Variants in MGMT observed in about 807,000 individuals in gnomAD.
The protein encoded by MGMT is O-6-methylguanine-DNA methyltransferase.
MGMT carries 14 observed loss-of-function variants against 15.9 expected under a neutral mutation model. That is an observed-to-expected ratio of 0.88 (90% confidence interval 0.58 to 1.37). The LOEUF is 1.37. Among genes scored for constraint, MGMT ranks in the 40% most tolerant of loss-of-function variants. The pLI is 0.00. For missense variants in MGMT, 282 were observed against 268.1 expected (o/e 1.05, Z -0.36); for synonymous variants, 130 against 118.2 (o/e 1.10, Z -0.65).
intron 2 of MGMT, among the ~76,000 whole-genome samples, chr10:129,646,742 A>ATTTT: frequency 1.2e-5 from 1 of 83,248 alleles, no homozygotes; most frequent in Non-Finnish European, 2.7e-5. Context: ...ATATATATAT[A>ATTTT]TATATATATA....
At chr10:129,732,831 G>C (rs1403795271) in intron 3 of MGMT, among the ~76,000 whole-genome samples, 2 of 145,160 alleles carry the variant, frequency 1.4e-5, no homozygotes, top group Non-Finnish European at 3.0e-5. Flanking sequence ...TCTTGCGATA[G>C]TTTACTGAGA....
rs1450762352 is a variant in MGMT, at chr10:129,770,151, G to A, written c.*3154G>A. Among the ~76,000 whole-genome samples the A allele has an allele frequency of 6.6e-6, 1 of 152,168 alleles. No homozygotes were observed. The highest frequency in any genetic ancestry group is 2.4e-5 in the African/African-American group (1 of 41,426). ...CTTCTCCAGAATCCCGTTTGGAGGG[G>A]CCAAGCAAGTCCAATATAGATAGGT... On this transcript the variant is annotated 3_prime_UTR_variant, in exon 5 of 5. Coordinates refer to ENST00000651593, the MANE Select transcript of MGMT (RefSeq NM_002412.5).
chr10:129,713,322 C>T (rs964618888), intron 3 of MGMT, among the ~76,000 whole-genome samples: 8 of 152,168 alleles, frequency 5.3e-5, no homozygotes. Context: ...AACAACACTG[C>T]ACTTAAGTGG....
At chr10:129,694,546 A>G (rs2133130587) in intron 2 of MGMT, among the ~76,000 whole-genome samples, 2 of 152,242 alleles carry the variant, frequency 1.3e-5, no homozygotes, top group East Asian at 3.9e-4. Flanking sequence ...TCCTAAAGGG[A>G]ATCTTAATTG....
At chr10:129,575,981 C>A (rs1261597062) in intron 2 of MGMT, among the ~76,000 whole-genome samples, 2 of 152,092 alleles carry the variant, frequency 1.3e-5, no homozygotes, top group Admixed American at 1.3e-4. Context: ...CAAGACTAAA[C>A]CAGGAAGAAG....
chr10:129,647,093 T>C (rs1318348318), intron 2 of MGMT, among the ~76,000 whole-genome samples: 1 of 152,060 alleles, frequency 6.6e-6, no homozygotes. Flanking sequence ...TCTGCGAGGC[T>C]CCTCAGCCCC....
intron 2 of MGMT, among the ~76,000 whole-genome samples, chr10:129,665,633 A>G (rs1221786682): frequency 1.3e-5 from 2 of 152,112 alleles, no homozygotes. Context: ...GAGGTTTCCT[A>G]TAAAGGACCA....
chr10:129,688,071 C>T (rs551944985), intron 2 of MGMT, among the ~76,000 whole-genome samples: 36 of 152,272 alleles, frequency 2.4e-4, no homozygotes, highest in African/African-American at 8.7e-4. Context: ...TGTATATGTG[C>T]CACATTTTCT....
At chr10:129,468,651 G>A (rs1018376622) in intron 1 of MGMT, among the ~76,000 whole-genome samples, 14 of 152,016 alleles carry the variant, frequency 9.2e-5, no homozygotes, top group Admixed American at 6.6e-4. Flanking sequence ...TTGGGAGGCC[G>A]AGGTGGGTGG....
At chr10:129,577,470 A>G (rs891355897) in intron 2 of MGMT, among the ~76,000 whole-genome samples, 1 of 152,230 alleles carries the variant, frequency 6.6e-6, no homozygotes, top group Admixed American at 6.5e-5. Flanking sequence ...TGCTGGGAAA[A>G]CTGGCTAGCC....
At chr10:129,657,701 A>ACG (rs1554874789) in intron 2 of MGMT, among the ~76,000 whole-genome samples, 102 of 131,218 alleles carry the variant, frequency 7.8e-4, no homozygotes, top group South Asian at 6.4e-3. Context: ...ACACACACAC[A>ACG]CACACGCACA....
At chr10:129,730,029 T>C (rs1013328775) in intron 3 of MGMT, among the ~76,000 whole-genome samples, 1 of 152,192 alleles carries the variant, frequency 6.6e-6, no homozygotes, top group Admixed American at 6.5e-5. Context: ...TTTTTAGCCT[T>C]GTAGAAGCAG....
intron 1 of MGMT, among the ~76,000 whole-genome samples, chr10:129,530,824 C>A (rs1410911947): frequency 6.6e-6 from 1 of 152,242 alleles, no homozygotes; most frequent in Non-Finnish European, 1.5e-5. Context: ...TGGCGGGTGC[C>A]TTCACCCTGG....
chr10:129,722,812 C>T (rs965570792), intron 3 of MGMT, among the ~76,000 whole-genome samples: 4 of 152,134 alleles, frequency 2.6e-5, no homozygotes, highest in African/African-American at 9.6e-5. Context: ...TCAAGACCAG[C>T]CTTGCAAACA....
chr10:129,662,031 T>C (rs1157446107), intron 2 of MGMT, among the ~76,000 whole-genome samples: 1 of 152,182 alleles, frequency 6.6e-6, no homozygotes, highest in Non-Finnish European at 1.5e-5. Flanking sequence ...CTGGGCCAGC[T>C]CTTCCCTGAT....
intron 2 of MGMT, among the ~76,000 whole-genome samples, chr10:129,661,310 GA>G (rs1470118164): frequency 6.6e-6 from 1 of 152,026 alleles, no homozygotes; most frequent in East Asian, 1.9e-4. Context: ...TCTAGGAGAG[GA>G]ATTGTTTGGC....
At chr10:129,611,405 AACTC>A (rs1437424817) in intron 2 of MGMT, among the ~76,000 whole-genome samples, 4 of 152,122 alleles carry the variant, frequency 2.6e-5, no homozygotes, top group South Asian at 4.2e-4. Context: ...ATCTCTTGAG[AACTC>A]ACTCACTATC....
At chr10:129,735,109 T>C (rs1308297845) in intron 3 of MGMT, among the ~76,000 whole-genome samples, 1 of 152,186 alleles carries the variant, frequency 6.6e-6, no homozygotes, top group African/African-American at 2.4e-5. Flanking sequence ...TCCTTTTCTA[T>C]TGATTGGAAT....
intron 4 of MGMT, among the ~76,000 whole-genome samples, chr10:129,762,742 A>G (rs745752390): frequency 2.0e-5 from 3 of 152,172 alleles, no homozygotes; most frequent in Non-Finnish European, 4.4e-5. Context: ...ACGGATTGCC[A>G]TGAGCGTTAA....
Sources: allele counts gnomAD v4.1 joint callset (sites outside exome capture counted in the v4.1 genomes callset), GRCh38; gene constraint gnomAD v4.1.1; transcripts MANE v1.5; gene names NCBI Gene and HGNC (gene_info 2026-07-23, HGNC 2026-07-21).